UVRAG: variants seen among roughly 807,000 people sequenced by gnomAD.
UVRAG encodes UV radiation resistance-associated gene protein.
UVRAG carries 19 observed loss-of-function variants against 78.0 expected under a neutral mutation model. The ratio of observed to expected loss-of-function variants is 0.24; its 90% confidence interval spans 0.17 to 0.36. The LOEUF (loss-of-function observed/expected upper bound fraction) is 0.36, where lower values mean the gene tolerates loss of function less well. Among genes scored for constraint, UVRAG ranks in the 10% least tolerant of loss-of-function variants. The pLI is 1.00. For missense variants in UVRAG, 740 were observed against 853.8 expected, an observed-to-expected ratio of 0.87 and a Z score of 1.66; for synonymous variants, 323 against 324.6, an observed-to-expected ratio of 1.00 and a Z score of 0.05.
At chr11:75,846,626 C>T (rs1946039579) in intron 1 of UVRAG, among the ~76,000 whole-genome samples, 1 of 149,592 alleles carries the variant, frequency 6.7e-6, no homozygotes, top group Non-Finnish European at 1.5e-5. Context: ...TGTCCACTTT[C>T]AGCACCATTT....
At chr11:76,010,320 C>G (rs754288181) in intron 11 of UVRAG, among the ~76,000 whole-genome samples, 2 of 152,132 alleles carry the variant, frequency 1.3e-5, no homozygotes, top group Non-Finnish European at 2.9e-5. Context: ...TTCCATGGAG[C>G]TTATTGGGGG....
At chr11:76,127,040 G>A (rs1952412794) in intron 14 of UVRAG, among the ~76,000 whole-genome samples, 1 of 152,132 alleles carries the variant, frequency 6.6e-6, no homozygotes, top group Admixed American at 6.5e-5. Flanking sequence ...CTTCTTCACT[G>A]TAATATACAA....
At chr11:75,963,596 A>T (rs762959865) in intron 7 of UVRAG, among the ~76,000 whole-genome samples, 5 of 152,202 alleles carry the variant, frequency 3.3e-5, no homozygotes, top group Non-Finnish European at 5.9e-5. Flanking sequence ...ATTTTAACCT[A>T]CGTAAAAATG....
chr11:76,131,780 T>A (rs772813017), intron 14 of UVRAG, among the ~76,000 whole-genome samples: 7 of 152,216 alleles, frequency 4.6e-5, no homozygotes, highest in Non-Finnish European at 5.9e-5. Context: ...GCCTGTGGCC[T>A]GGAGAATGCA....
At chr11:76,078,946 C>T (rs1951450410) in intron 13 of UVRAG, among the ~76,000 whole-genome samples, 1 of 151,296 alleles carries the variant, frequency 6.6e-6, no homozygotes, top group Admixed American at 6.6e-5. Context: ...AAAGAAATTT[C>T]AGGGTTATAT....
At chr11:75,949,730 CAT>C (rs1301133127) in intron 6 of UVRAG, among the ~76,000 whole-genome samples, 10 of 147,368 alleles carry the variant, frequency 6.8e-5, no homozygotes, top group East Asian at 3.9e-4. Context: ...CACACACACA[CAT>C]ATACACATAT....
At chr11:76,106,442 T>C (rs1951972472) in intron 13 of UVRAG, among the ~76,000 whole-genome samples, 1 of 152,116 alleles carries the variant, frequency 6.6e-6, no homozygotes, top group African/African-American at 2.4e-5. Context: ...CTCAGCTCAC[T>C]GTAACCTCCG....
chr11:76,086,403 C>A (rs898121827), intron 13 of UVRAG, among the ~76,000 whole-genome samples: 2 of 152,096 alleles, frequency 1.3e-5, no homozygotes, highest in Non-Finnish European at 2.9e-5. Flanking sequence ...AACTATTCTT[C>A]GTATGTTTAA....
intron 6 of UVRAG, among the ~76,000 whole-genome samples, chr11:75,922,776 C>T (rs750667590): frequency 3.2e-4 from 48 of 151,722 alleles, no homozygotes; most frequent in Admixed American, 6.6e-4. Flanking sequence ...GGCGAAACCC[C>T]GTCTCTACTA....
At chr11:76,058,195 G>C (rs1011084571) in intron 12 of UVRAG, among the ~76,000 whole-genome samples, 1 of 152,068 alleles carries the variant, frequency 6.6e-6, no homozygotes, top group Non-Finnish European at 1.5e-5. Context: ...AGTTGTTGTA[G>C]GGGGGACTTT....
At chr11:76,104,673 G>A (rs1000435004) in intron 13 of UVRAG, among the ~76,000 whole-genome samples, 5 of 151,864 alleles carry the variant, frequency 3.3e-5, no homozygotes, top group African/African-American at 1.2e-4. Flanking sequence ...TGCCATTATC[G>A]TCACCACCAC....
intron 13 of UVRAG, among the ~76,000 whole-genome samples, chr11:76,095,211 G>A (rs1951767217): frequency 2.0e-5 from 3 of 152,088 alleles, no homozygotes; most frequent in African/African-American, 7.2e-5. Context: ...TTTTCAACCG[G>A]TCTTCCTATT....
chr11:76,143,358 T>G lies in UVRAG; in HGVS notation c.*1945T>G, dbSNP rs898284488. Among the ~76,000 whole-genome samples, 3 of 152,138 alleles carry G rather than the reference T, an allele frequency of 2.0e-5. No individual in the cohort carries two copies. Among genetic ancestry groups the G allele is most frequent in the Non-Finnish European group, 4.4e-5 (3 of 68,028 alleles). On this transcript the variant is annotated 3_prime_UTR_variant, in exon 15 of 15. Coordinates refer to ENST00000356136, the MANE Select transcript of UVRAG (RefSeq NM_003369.4). The stretch of plus-strand genomic sequence containing the variant: ...CGCTGGCACCACCAAGGAGCAGGAC[T>G]CCTCATGATTACAGTGTCCATCTCA...
At chr11:75,831,701 AGAG>A (rs1945662376) in intron 1 of UVRAG, among the ~76,000 whole-genome samples, 1 of 152,230 alleles carries the variant, frequency 6.6e-6, no homozygotes, top group South Asian at 2.1e-4. Context: ...TAAGGAGCTT[AGAG>A]GAGGACGGTG....
At chr11:75,952,219 C>T (rs1948716125) in intron 6 of UVRAG, among the ~76,000 whole-genome samples, 3 of 152,174 alleles carry the variant, frequency 2.0e-5, no homozygotes, top group South Asian at 2.1e-4. Context: ...ACAATCATAG[C>T]ACCTTTAAGT....
At chr11:76,000,012 C>A (rs1341885253) in intron 8 of UVRAG, among the ~76,000 whole-genome samples, 2 of 151,982 alleles carry the variant, frequency 1.3e-5, no homozygotes, top group Non-Finnish European at 2.9e-5. Context: ...AACTCCTGGG[C>A]AACCAATAAA....
At chr11:76,002,139 A>G (rs1411663851) in intron 8 of UVRAG, among the ~76,000 whole-genome samples, 1 of 152,134 alleles carries the variant, frequency 6.6e-6, no homozygotes, top group East Asian at 1.9e-4. Flanking sequence ...ATACCATTGC[A>G]TCAGTATTAT....
At chr11:75,975,135 T>G (rs1949210538) in intron 7 of UVRAG, among the ~76,000 whole-genome samples, 1 of 150,756 alleles carries the variant, frequency 6.6e-6, no homozygotes, top group African/African-American at 2.4e-5. Context: ...TTAAATAGGA[T>G]TTCTTGTTTT....
In UVRAG at chr11:76,141,044, G is replaced by A. The variant is rs573996282; in HGVS notation, c.1731G>A (p.Ala577=). The change falls in exon 15 of 15, where the codon GCG becomes GCA. Residue 577 remains alanine, a synonymous_variant. Coordinates refer to ENST00000356136, the MANE Select transcript of UVRAG (RefSeq NM_003369.4). The part of the protein sequence containing the change: ...DLVGSLNGGH[A]NVHPSQEQGE... ...TTGGCAGCTTAAACGGAGGCCACGC[G>A]AATGTGCACCCTAGCCAAGAACAAG... 2.2e-5 allele frequency: 35 copies of A among 1,614,128 alleles called. No homozygotes were observed. The highest frequency in any genetic ancestry group is 4.5e-5 in the East Asian group (2 of 44,880).
Sources: allele counts gnomAD v4.1 joint callset (sites outside exome capture counted in the v4.1 genomes callset), GRCh38; gene constraint gnomAD v4.1.1; transcripts MANE v1.5; gene names NCBI Gene and HGNC (gene_info 2026-07-23, HGNC 2026-07-21).